The following KCNQ4 variants were observed in gnomAD, a reference collection of about 807,000 sequenced individuals.
KCNQ4 encodes potassium voltage-gated channel subfamily KQT member 4.
A neutral mutation model predicts 72.6 loss-of-function variants in KCNQ4; 31 were observed. The ratio of observed to expected loss-of-function variants is 0.43; its 90% CI spans 0.32 to 0.58. The LOEUF is 0.58. Among genes scored for constraint, KCNQ4 ranks in the 20% least tolerant of loss-of-function variants. The pLI is 0.08. For synonymous variants in KCNQ4, 405 were observed against 403.7 expected (o/e 1.00, Z -0.04); for missense variants, 869 against 962.6 (o/e 0.90, Z 1.29).
rs1379243108 is a variant in KCNQ4 at position 40,839,859 on chromosome 1, C to T, written c.*1336C>T. 6.6e-6 allele frequency: 1 copy of T among 152,316 alleles called. No individual in the cohort carries two copies. The highest frequency in any genetic ancestry group is 1.5e-5 in the Non-Finnish European group (1 of 68,084). 9.4% of individuals were successfully genotyped at this position (152,316 alleles called of 1,614,324 possible). On this transcript the variant is annotated 3_prime_UTR_variant, in exon 14 of 14. Coordinates refer to ENST00000347132, the MANE Select transcript of KCNQ4 (RefSeq NM_004700.4). The stretch of plus-strand genomic sequence containing the variant: ...AGAATGCATGTAATAGCTATACCAA[C>T]CGCGCATCCGGCTTTCACATGCACT...
At chr1:40,832,777 C>T (rs1648687365) in intron 10 of KCNQ4, among the ~76,000 whole-genome samples, 1 of 152,108 alleles carries the variant, frequency 6.6e-6, no homozygotes, top group African/African-American at 2.4e-5. Context: ...CTCCCACCTA[C>T]CCACCAGGCA....
chr1:40,829,855 A>T (rs1162166679), intron 9 of KCNQ4, among the ~76,000 whole-genome samples: 8 of 152,166 alleles, frequency 5.3e-5, no homozygotes, highest in Non-Finnish European at 1.2e-4. Context: ...AGGGCATGGG[A>T]TGGAGGACAT....
In KCNQ4 at chr1:40,822,387, T is replaced by G. The variant is rs770897499; in HGVS notation, c.1115T>G (p.Ile372Ser). ...LTATWYYYDSILPSFRELALL... is the reference protein window; with the variant it reads ...LTATWYYYDSSLPSFRELALL... Reference sequence around the variant, plus strand: ...GCCACCTGGTACTACTATGACAGTATCCTCCCATCCTTCAGGTAGGTCCTG... The same window carrying G: ...GCCACCTGGTACTACTATGACAGTAGCCTCCCATCCTTCAGGTAGGTCCTG... Residue 372 changes from isoleucine (I) to serine (S), a missense_variant, in exon 8 of 14, where the codon ATC becomes AGC. By Grantham distance (142) the Ile-to-Ser change is moderately radical (BLOSUM62 -2). This residue lies in a region of KCNQ4 where 480 missense variants were observed against 501.9 expected (regional missense o/e 0.96). Coordinates refer to ENST00000347132, the MANE Select transcript of KCNQ4 (RefSeq NM_004700.4). 9 of 1,045,702 alleles carry G rather than the reference T, an allele frequency of 8.6e-6. No individual in the cohort carries two copies. The highest frequency in any genetic ancestry group is 1.2e-5 in the Non-Finnish European group (9 of 754,062). The allele number at this position is 1,045,702 out of a possible 1,614,324, so 64.8% of individuals were successfully genotyped here. A position where few individuals can be genotyped will look rare whatever the true frequency, so the allele number is the denominator to read the frequency against.
intron 1 of KCNQ4, among the ~76,000 whole-genome samples, chr1:40,792,162 T>C (rs1055667228): frequency 6.6e-6 from 1 of 152,098 alleles, no homozygotes; most frequent in African/African-American, 2.4e-5. Context: ...TCCAGGTTGC[T>C]GTCTTTGGGT....
rs1183445803 is a variant in KCNQ4 at position 40,817,933 on chromosome 1, G to A, written c.406-231G>A. ...GGCCTGTTGAGGAGCAGAAAAATCC[G>A]ATCAGTTCATGGGGACCGGAAGGGG... On this transcript the variant is annotated intron_variant, in intron 2 of 13. Transcript: ENST00000347132. The surrounding 1 kb of genome is among the most constrained non-coding windows in gnomAD (Gnocchi z 5.5). Among the ~76,000 whole-genome samples the A allele has an allele frequency of 6.6e-6, 1 of 152,174 alleles. No individual in the cohort carries two copies. Among genetic ancestry groups the A allele is most frequent in the African/African-American group, 2.4e-5 (1 of 41,432 alleles).
At position 40,784,855 on chromosome 1, in the gene KCNQ4, T is replaced by G. The variant is rs1433082777; in HGVS notation, c.314+448T>G. On this transcript the variant is annotated intron_variant, in intron 1 of 13. Coordinates refer to ENST00000347132, the MANE Select transcript of KCNQ4 (RefSeq NM_004700.4). The surrounding 1 kb of genome is among the most constrained non-coding windows in gnomAD (Gnocchi z 4.1). ...TCACCTGCTCCCCAGCTCTGAGCTA[T>G]GAAGGGCTCCCCTCAGGGGTGCTCC... is the stretch of plus-strand genomic sequence containing the variant. Among the ~76,000 whole-genome samples, 1 of 152,202 alleles carries G rather than the reference T, an allele frequency of 6.6e-6. No homozygotes were observed. The highest frequency in any genetic ancestry group is 1.9e-4 in the East Asian group (1 of 5,178).
At position 40,820,231 on chromosome 1, in the gene KCNQ4, C is replaced by A; in HGVS notation, c.1012C>A (p.Arg338=). 1 of 1,609,074 alleles carries A rather than the reference C, an allele frequency of 6.2e-7. No homozygotes were observed. The highest frequency in any genetic ancestry group is 8.5e-7 in the Non-Finnish European group (1 of 1,177,920). ...GCACCGGCAGAAGCACTTCGAGAAG[C>A]GGAGGATGCCGGCAGCCAACCTCAT... ...EQHRQKHFEK[R]RMPAANLIQA... The change falls in exon 7 of 14, where the codon CGG becomes AGG. Residue 338 remains arginine (R), a synonymous_variant. Transcript: ENST00000347132.
rs140665801 is a variant in KCNQ4 at position 40,795,515 on chromosome 1, G to A, written c.314+11108G>A. Among the ~76,000 whole-genome samples, 587 of 152,128 alleles carry A rather than the reference G, an allele frequency of 3.9e-3. 2 individuals are homozygous for A. Among genetic ancestry groups the A allele is most frequent in the Non-Finnish European group, 6.0e-3 (409 of 68,000 alleles). ...GTGCTCAAGCAATTTTCCCACCCTG[G>A]CCTCCCAAAGTGCTGAGATTACGGA... On this transcript the variant is annotated intron_variant, in intron 1 of 13. Transcript: ENST00000347132.
intron 1 of KCNQ4, among the ~76,000 whole-genome samples, chr1:40,787,965 AG>A (rs371717278): frequency 5.3e-5 from 8 of 152,242 alleles, no homozygotes; most frequent in African/African-American, 1.7e-4. Flanking sequence ...CCCAGGGCCC[AG>A]CAGACTTTCT....
At chr1:40,831,506 A>G (rs1266343853) in intron 10 of KCNQ4, among the ~76,000 whole-genome samples, 1 of 152,206 alleles carries the variant, frequency 6.6e-6, no homozygotes, top group African/African-American at 2.4e-5. Context: ...CTGTTTGGGA[A>G]TCACGTGGAG....
chr1:40,813,173 C>T (rs1386734188), intron 1 of KCNQ4, among the ~76,000 whole-genome samples: 2 of 152,200 alleles, frequency 1.3e-5, no homozygotes, highest in Non-Finnish European at 2.9e-5. Flanking sequence ...ACAGACCTTG[C>T]AGGGCCTTGT....
chr1:40,819,239 T>C, intron 4 of KCNQ4, 108 bp from the exon 5 acceptor site: 1 of 1,373,684 alleles, frequency 7.3e-7, no homozygotes, highest in South Asian at 1.2e-5. Flanking sequence ...AAAGCGAGCC[T>C]GGGACTCCGG....
chr1:40,805,607 G>T (rs1013223396), intron 1 of KCNQ4, among the ~76,000 whole-genome samples: 1 of 151,250 alleles, frequency 6.6e-6, no homozygotes, highest in Non-Finnish European at 1.5e-5. Flanking sequence ...CTGAGCTCAT[G>T]CTCAGACACA....
intron 9 of KCNQ4, among the ~76,000 whole-genome samples, chr1:40,826,097 C>T (rs540122275): frequency 6.6e-6 from 1 of 152,310 alleles, no homozygotes; most frequent in South Asian, 2.1e-4. Context: ...TATCGTTAAT[C>T]GTGGCTGTCT....
At chr1:40,829,737 C>T (rs1648581946) in intron 9 of KCNQ4, among the ~76,000 whole-genome samples, 3 of 152,220 alleles carry the variant, frequency 2.0e-5, no homozygotes, top group African/African-American at 7.2e-5. Flanking sequence ...CTGGTACTCT[C>T]TTGATCTGGG....
At chr1:40,814,046 CTTTT>C (rs35243800) in intron 1 of KCNQ4, among the ~76,000 whole-genome samples, 5 of 52,698 alleles carry the variant, frequency 9.5e-5, no homozygotes, top group African/African-American at 4.0e-4. Context: ...TGCGCCCGGC[CTTTT>C]TTTTTTTTTT....
chr1:40,834,515 C>T (rs371839080), intron 11 of KCNQ4, among the ~76,000 whole-genome samples: 1 of 151,734 alleles, frequency 6.6e-6, no homozygotes, highest in Non-Finnish European at 1.5e-5. Context: ...GAGGCTGAGA[C>T]GGGCAGATCG....
rs1040796507 is a variant in KCNQ4, at chr1:40,817,690, T to G, written c.405+335T>G. ...CAAGTGTTGGGGGACCTCCTGCCTC[T>G]ATGCAAGGGCTTATGATGGGTCCAG... On this transcript the variant is annotated intron_variant, in intron 2 of 13. Transcript: ENST00000347132. This position sits in a 1 kb window ranked among gnomAD's most constrained non-coding sequence, Gnocchi z 5.5. 6.6e-6 allele frequency among the ~76,000 whole-genome samples: 1 copy of G among 152,232 alleles called. No homozygotes were observed. The highest frequency in any genetic ancestry group is 2.4e-5 in the African/African-American group (1 of 41,452).
chr1:40,832,477 C>G (rs1021121499), intron 10 of KCNQ4, among the ~76,000 whole-genome samples: 2 of 152,226 alleles, frequency 1.3e-5, no homozygotes, highest in African/African-American at 2.4e-5. Flanking sequence ...AGGACAGCAT[C>G]ACCTCTCTGC....
Sources: gnomAD v4.1 joint callset for allele counts (sites outside exome capture counted in the v4.1 genomes callset) on GRCh38, gnomAD v4.1.1 for gene constraint, gnomAD v4.1.1 regional missense constraint, Gnocchi (gnomAD v3.1) non-coding constraint, MANE v1.5 for transcripts, NCBI Gene and HGNC (gene_info 2026-07-23, HGNC 2026-07-21) for gene names.